The following UPF2 variants were observed in gnomAD, a reference collection of about 807,000 sequenced individuals.
UPF2 encodes UPF2 regulator of nonsense mediated mRNA decay.
A neutral mutation model predicts 141.4 loss-of-function variants in UPF2; 17 were observed. The observed-to-expected ratio is 0.12, with a 90% CI of 0.08 to 0.18. UPF2 has a LOEUF of 0.18. Ranked by LOEUF, UPF2 falls within the 10% of genes least tolerant of loss-of-function variation. The pLI is 1.00. For synonymous variants in UPF2, 540 were observed against 498.0 expected, an observed-to-expected ratio of 1.08 and a Z score of -1.12; for missense variants, 1,152 against 1,515.9, an observed-to-expected ratio of 0.76 and a Z score of 3.99.
At chr10:11,994,263 AAC>A (rs1314881234) in intron 8 of UPF2, among the ~76,000 whole-genome samples, 1 of 152,252 alleles carries the variant, frequency 6.6e-6, no homozygotes, top group Non-Finnish European at 1.5e-5. Context: ...CACTGTCTGT[AAC>A]AGTTAAATAT....
intron 8 of UPF2, among the ~76,000 whole-genome samples, chr10:11,990,714 C>T (rs1016248648): frequency 2.0e-5 from 3 of 146,456 alleles, no homozygotes; most frequent in Non-Finnish European, 4.5e-5. Context: ...GTTGACCAGG[C>T]CCAGTGGCTC....
At chr10:11,999,109 A>G (rs1833911222) in intron 7 of UPF2, among the ~76,000 whole-genome samples, 1 of 152,042 alleles carries the variant, frequency 6.6e-6, no homozygotes, top group African/African-American at 2.4e-5. Context: ...TTGCAAATGC[A>G]TGGTGAAAAT....
chr10:12,008,876 T>G (rs1340524006), intron 4 of UPF2, among the ~76,000 whole-genome samples: 1 of 152,072 alleles, frequency 6.6e-6, no homozygotes, highest in African/African-American at 2.4e-5. Context: ...CCAGTGTGTG[T>G]TGTTCCCCTC....
chr10:11,925,284 G>A lies in UPF2; in HGVS notation c.3810-3977C>T, dbSNP rs566705655. ...TTTACAGAGTGCTATTCTTAAGACT[G>A]ATGGACAAGTTAGGTTTTCTTTTTT... On this transcript the variant is annotated intron_variant, in intron 21 of 21. Transcript: ENST00000357604. Among the ~76,000 whole-genome samples, 49 of 152,292 alleles carry A rather than the reference G, an allele frequency of 3.2e-4. 1 individual carries two copies. The South Asian group carries it at 9.7e-3, about 30-fold the overall frequency.
At chr10:11,988,153 A>G (rs1013488823) in intron 8 of UPF2, among the ~76,000 whole-genome samples, 6 of 152,246 alleles carry the variant, frequency 3.9e-5, no homozygotes, top group African/African-American at 1.4e-4. Context: ...GCACATGAAA[A>G]GATGCTCAAC....
intron 9 of UPF2, among the ~76,000 whole-genome samples, chr10:11,977,205 G>C (rs148840224): frequency 6.6e-6 from 1 of 152,118 alleles, no homozygotes; most frequent in Non-Finnish European, 1.5e-5. Flanking sequence ...TAGTTGCAGC[G>C]GGGGGAGGGC....
At chr10:11,981,246 C>CA (rs1415539417) in intron 8 of UPF2, among the ~76,000 whole-genome samples, 5 of 152,128 alleles carry the variant, frequency 3.3e-5, no homozygotes, top group Non-Finnish European at 7.4e-5. Context: ...CTAAAAGCCT[C>CA]AAAAACATGG....
At chr10:12,032,077 T>C (rs1006108666) in intron 2 of UPF2, among the ~76,000 whole-genome samples, 5 of 152,130 alleles carry the variant, frequency 3.3e-5, no homozygotes, top group African/African-American at 7.2e-5. Context: ...GTGGATCACC[T>C]GAGGTCAGGA....
At chr10:11,942,138 C>G (rs1352005007) in intron 18 of UPF2, among the ~76,000 whole-genome samples, 8 of 152,268 alleles carry the variant, frequency 5.3e-5, no homozygotes, top group African/African-American at 1.9e-4. Context: ...CTTTGGGAGG[C>G]CGTAGCAGGA....
At position 11,992,125 on chromosome 10, in the gene UPF2, T is replaced by C. The variant is rs573777679; in HGVS notation, c.1844+5547A>G. Reference sequence around the variant, plus strand: ...CGCCACTGCACTCCAGCATGGGCAATAGAGCAAAACTCAGTCTCAAAAAAA... The same window carrying C: ...CGCCACTGCACTCCAGCATGGGCAACAGAGCAAAACTCAGTCTCAAAAAAA... On this transcript the variant is annotated intron_variant, in intron 8 of 21. Coordinates refer to ENST00000357604, the MANE Select transcript of UPF2 (RefSeq NM_015542.4). The surrounding 1 kb of genome is among the most constrained non-coding windows in gnomAD (Gnocchi z 4.1). 6.0e-5 allele frequency among the ~76,000 whole-genome samples: 9 copies of C among 150,686 alleles called. No individual in the cohort carries two copies. Among genetic ancestry groups the C allele is most frequent in the African/African-American group, 1.7e-4 (7 of 40,936 alleles).
At chr10:11,938,036 A>G (rs1269138919) in intron 18 of UPF2, among the ~76,000 whole-genome samples, 1 of 152,074 alleles carries the variant, frequency 6.6e-6, no homozygotes, top group East Asian at 1.9e-4. Context: ...CACTGCCCCA[A>G]CCCCAAGATG....
intron 10 of UPF2, among the ~76,000 whole-genome samples, chr10:11,964,670 C>T (rs1465627760): frequency 6.6e-6 from 1 of 151,998 alleles, no homozygotes; most frequent in Non-Finnish European, 1.5e-5. Flanking sequence ...CCTTTTTTGT[C>T]CTTCTATGGC....
chr10:11,978,404 C>T, intron 9 of UPF2, among the ~76,000 whole-genome samples: 1 of 152,156 alleles, frequency 6.6e-6, no homozygotes, highest in East Asian at 1.9e-4. Context: ...ACTATCAAGC[C>T]TGTATTTGAA....
intron 12 of UPF2, among the ~76,000 whole-genome samples, chr10:11,957,349 A>C (rs1833169046): frequency 6.6e-6 from 1 of 151,856 alleles, no homozygotes; most frequent in Admixed American, 6.5e-5. Flanking sequence ...GAATCACTTG[A>C]ACCCGGGAGG....
chr10:11,929,834 A>AC (rs1436736597), intron 21 of UPF2, 31 bp downstream of exon 21: 1 of 1,604,702 alleles, frequency 6.2e-7, no homozygotes, highest in Non-Finnish European at 8.5e-7. Context: ...ATGGAAACAA[A>AC]CAGCTAAGGA....
intron 1 of UPF2, among the ~76,000 whole-genome samples, chr10:12,037,190 C>A (rs1387946130): frequency 6.6e-6 from 1 of 151,824 alleles, no homozygotes; most frequent in Non-Finnish European, 1.5e-5. Flanking sequence ...GCTCAAGTGA[C>A]CCACCTGCCT....
chr10:12,010,496 T>C (rs1019569787), intron 4 of UPF2, among the ~76,000 whole-genome samples: 2 of 152,116 alleles, frequency 1.3e-5, no homozygotes, highest in Non-Finnish European at 2.9e-5. Flanking sequence ...GAAGAAAAGA[T>C]TAGTGAACTT....
At chr10:11,943,625 C>G (rs1564339499) in intron 16 of UPF2, among the ~76,000 whole-genome samples, 1 of 152,194 alleles carries the variant, frequency 6.6e-6, no homozygotes, top group Non-Finnish European at 1.5e-5. Context: ...GGAAGGTGTT[C>G]TCATACACTT....
intron 8 of UPF2, among the ~76,000 whole-genome samples, chr10:11,990,416 T>C (rs759717353): frequency 4.6e-5 from 7 of 151,964 alleles, no homozygotes; most frequent in Non-Finnish European, 1.0e-4. Flanking sequence ...TCAGAAACAA[T>C]AGCAAAAATA....
Sources: allele counts gnomAD v4.1 joint callset (sites outside exome capture counted in the v4.1 genomes callset), GRCh38; gene constraint gnomAD v4.1.1; non-coding constraint Gnocchi (gnomAD v3.1); transcripts MANE v1.5; gene names NCBI Gene and HGNC (gene_info 2026-07-23, HGNC 2026-07-21).